DYNC2LI1: variants seen among roughly 807,000 people sequenced by gnomAD.
DYNC2LI1 encodes the protein cytoplasmic dynein 2 light intermediate chain 1.
DYNC2LI1 carries 45 observed loss-of-function variants against 51.9 expected under a neutral mutation model. The observed-to-expected ratio is 0.87, with a 90% CI of 0.68 to 1.11. The LOEUF (loss-of-function observed/expected upper bound fraction) is 1.11, where lower values mean the gene tolerates loss of function less well. Among genes scored for constraint, DYNC2LI1 ranks in the 50% most tolerant of loss-of-function variants. The pLI, the probability that DYNC2LI1 is intolerant of heterozygous loss-of-function variation, is 0.00. For missense variants in DYNC2LI1, 490 were observed against 417.4 expected (o/e 1.17, Z -1.51); for synonymous variants, 130 against 137.8 (o/e 0.94, Z 0.40).
intron 11 of DYNC2LI1, 81 bp from the exon 12 acceptor site, chr2:43,805,073 G>C: frequency 1.1e-6 from 1 of 870,550 alleles, no homozygotes; most frequent in Non-Finnish European, 1.8e-6. Flanking sequence ...CTGAGGAATG[G>C]GAGCTTGGTT....
the DYNC2LI1 span, among the ~76,000 whole-genome samples, chr2:43,827,313 G>A: frequency 2.1e-5 from 3 of 141,140 alleles, no homozygotes; most frequent in Non-Finnish European, 4.5e-5. Context: ...CAACAAGAGC[G>A]AAACTCTGTC....
chr2:43,805,873 CTTTTCT>C (rs902985021), intron 12 of DYNC2LI1, among the ~76,000 whole-genome samples: 3 of 151,240 alleles, frequency 2.0e-5, no homozygotes, highest in Non-Finnish European at 4.4e-5. Context: ...TTAGATTTTT[CTTTTCT>C]TTTTCTTTTT....
At chr2:43,795,849 T>C (rs1343849899) in intron 6 of DYNC2LI1, 41 bp from the exon 7 acceptor site, 2 of 1,516,386 alleles carry the variant, frequency 1.3e-6, no homozygotes, top group South Asian at 2.3e-5. Flanking sequence ...CACCTAGCAA[T>C]AAAGAATTAC....
chr2:43,826,381 C>G, the DYNC2LI1 span: 1 of 1,614,002 alleles, frequency 6.2e-7, no homozygotes, highest in Non-Finnish European at 8.5e-7. Context: ...GAACCTCTTA[C>G]CTGAAAAAGC....
rs1674050109 is a variant in DYNC2LI1, at chr2:43,796,661, T to G, written c.577-57T>G. 6 of 1,257,110 alleles carry G rather than the reference T, an allele frequency of 4.8e-6. No individual in the cohort carries two copies. The Admixed American group carries it at 5.3e-5, about 11-fold the overall frequency. 77.9% of individuals were successfully genotyped at this position (1,257,110 alleles called of 1,614,324 possible). A position where few individuals can be genotyped will look rare whatever the true frequency, so the allele number is the denominator to read the frequency against. ...TCTATTCTACATTTAATAATTTGAA[T>G]CTTCCTGCTATAGATATTTGGTTAT... On this transcript the variant is annotated intron_variant, in intron 7 of 12. Coordinates refer to ENST00000260605, the MANE Select transcript of DYNC2LI1 (RefSeq NM_016008.4).
intron 2 of DYNC2LI1, among the ~76,000 whole-genome samples, chr2:43,780,570 T>A (rs950387847): frequency 2.6e-5 from 4 of 152,130 alleles, no homozygotes; most frequent in South Asian, 2.1e-4. Flanking sequence ...TTAACAAGGC[T>A]GCAGAGGAAG....
the DYNC2LI1 span, chr2:43,824,792 A>C: frequency 1.9e-5 from 29 of 1,565,986 alleles, no homozygotes; most frequent in African/African-American, 3.6e-4. Flanking sequence ...AACAAAAGCA[A>C]AAATCAAATC....
the DYNC2LI1 span, chr2:43,822,850 G>A: frequency 7.9e-5 from 127 of 1,614,048 alleles, no homozygotes; most frequent in Middle Eastern, 4.9e-4. Context: ...AGGGGAGGAC[G>A]TGCAGTGCAT....
chr2:43,812,265 C>T (rs573798462), downstream of DYNC2LI1, among the ~76,000 whole-genome samples: 2 of 150,784 alleles, frequency 1.3e-5, no homozygotes, highest in East Asian at 3.9e-4. Context: ...TGATCTCCAG[C>T]CTTAATGGGG....
the DYNC2LI1 span, chr2:43,820,222 C>T: frequency 1.7e-6 from 2 of 1,173,768 alleles, no homozygotes; most frequent in Non-Finnish European, 2.5e-6. Context: ...CAGGGCAAGC[C>T]ACACTCCCCT....
chr2:43,807,531 C>T (rs1170322320), intron 12 of DYNC2LI1, among the ~76,000 whole-genome samples: 1 of 151,980 alleles, frequency 6.6e-6, no homozygotes, highest in East Asian at 1.9e-4. Flanking sequence ...CCTTGAACTC[C>T]AGGGCTCAAG....
chr2:43,780,947 T>C (rs755480518), intron 2 of DYNC2LI1, among the ~76,000 whole-genome samples: 3 of 152,240 alleles, frequency 2.0e-5, no homozygotes, highest in Non-Finnish European at 4.4e-5. Context: ...AGTGTACTAA[T>C]GAATTTTTAA....
chr2:43,817,679 G>T, the DYNC2LI1 span, among the ~76,000 whole-genome samples: 1 of 152,098 alleles, frequency 6.6e-6, no homozygotes, highest in Non-Finnish European at 1.5e-5. Context: ...GGAGGCCAAG[G>T]CAGGCAGATC....
At chr2:43,819,034 C>T in the DYNC2LI1 span, among the ~76,000 whole-genome samples, 20 of 152,252 alleles carry the variant, frequency 1.3e-4, no homozygotes, top group Admixed American at 7.2e-4. Context: ...GCTTCATTTT[C>T]TTATCTGAAA....
intron 4 of DYNC2LI1, among the ~76,000 whole-genome samples, chr2:43,788,582 C>G (rs1172652410): frequency 3.9e-5 from 6 of 152,148 alleles, no homozygotes; most frequent in Non-Finnish European, 7.4e-5. Flanking sequence ...AGCCAACAGT[C>G]TAGGAACGTC....
At chr2:43,779,933 G>C (rs972305301) in intron 2 of DYNC2LI1, among the ~76,000 whole-genome samples, 1 of 152,196 alleles carries the variant, frequency 6.6e-6, no homozygotes, top group African/African-American at 2.4e-5. Flanking sequence ...GATTACCTGG[G>C]GCAGTCTTTG....
Position 43,804,823 on chromosome 2 carries a change from T to C in DYNC2LI1, c.900+84T>C, listed in dbSNP as rs2116548. 3,079 of 796,666 alleles carry C rather than the reference T, an allele frequency of 3.9e-3. 61 individuals are homozygous for C. In the African/African-American group the frequency reaches 0.039, roughly 10 times the overall value. 49.3% of individuals were successfully genotyped at this position (796,666 alleles called of 1,614,324 possible). A position where few individuals can be genotyped will look rare whatever the true frequency, so the allele number is the denominator to read the frequency against. ...AAATGTGTCAAAGGGCTTATTATGA[T>C]AACTTTGTTTTCATCTTTTATGCTC... On this transcript the variant is annotated intron_variant, in intron 11 of 12. Coordinates refer to ENST00000260605, the MANE Select transcript of DYNC2LI1 (RefSeq NM_016008.4).
the DYNC2LI1 span, chr2:43,827,975 C>T: frequency 6.2e-7 from 1 of 1,613,868 alleles, no homozygotes; most frequent in Non-Finnish European, 8.5e-7. Flanking sequence ...GTTCTGGGTG[C>T]CACTTACTAG....
chr2:43,805,101 C>G, intron 11 of DYNC2LI1, 53 bp from the exon 12 acceptor site: 1 of 1,119,002 alleles, frequency 8.9e-7, no homozygotes, highest in Non-Finnish European at 1.3e-6. Context: ...CAGATGGTAG[C>G]CATTGAATTT....
Sources: gnomAD v4.1 joint callset for allele counts (sites outside exome capture counted in the v4.1 genomes callset) on GRCh38, gnomAD v4.1.1 for gene constraint, MANE v1.5 for transcripts, NCBI Gene and HGNC (gene_info 2026-07-23, HGNC 2026-07-21) for gene names.